Variants in PHLDB2 observed in about 807,000 individuals in gnomAD.
PHLDB2 encodes the protein pleckstrin homology like domain family B member 2.
A neutral mutation model predicts 123.6 loss-of-function variants in PHLDB2; 71 were observed. That is an observed-to-expected ratio of 0.57 (90% CI 0.47 to 0.70). The LOEUF (loss-of-function observed/expected upper bound fraction) is 0.70, where lower values mean the gene tolerates loss of function less well. Among genes scored for constraint, PHLDB2 ranks in the 30% least tolerant of loss-of-function variants. The probability of loss-of-function intolerance (pLI) is 0.00; values close to 1 mark genes in which losing one functional copy is unlikely to be tolerated. For missense variants in PHLDB2, 1,446 were observed against 1,519.5 expected (o/e 0.95, Z 0.80); for synonymous variants, 547 against 541.6 (o/e 1.01, Z -0.14).
At chr3:111,745,659 G>A (rs1027888372) in intron 1 of PHLDB2, among the ~76,000 whole-genome samples, 17 of 152,156 alleles carry the variant, frequency 1.1e-4, no homozygotes, top group African/African-American at 4.1e-4. Flanking sequence ...CTACTCAGGA[G>A]GCTGAGACAG....
At chr3:111,785,164 T>A (rs1167311041) in intron 1 of PHLDB2, among the ~76,000 whole-genome samples, 3 of 152,168 alleles carry the variant, frequency 2.0e-5, no homozygotes, top group Admixed American at 2.0e-4. Flanking sequence ...CCAGCAACTT[T>A]GGCATCTAGC....
chr3:111,767,797 T>G (rs1035015698), intron 1 of PHLDB2, among the ~76,000 whole-genome samples: 1 of 152,188 alleles, frequency 6.6e-6, no homozygotes, highest in African/African-American at 2.4e-5. Flanking sequence ...AAAATATGTT[T>G]TGTTGTAGAT....
At chr3:111,885,535 T>G (rs2066114940) in intron 2 of PHLDB2, 123 bp downstream of exon 2, 3 of 1,248,024 alleles carry the variant, frequency 2.4e-6, no homozygotes, top group Non-Finnish European at 3.5e-6. Context: ...TAGCCACAGC[T>G]GCTATCTTTC....
chr3:111,899,954 TC>T (rs1382612549), intron 2 of PHLDB2, among the ~76,000 whole-genome samples: 1 of 152,196 alleles, frequency 6.6e-6, no homozygotes, highest in African/African-American at 2.4e-5. Context: ...CTTAGATCTT[TC>T]CAATTGACTT....
chr3:111,832,260 T>C (rs2063076136), intron 1 of PHLDB2, among the ~76,000 whole-genome samples: 1 of 152,140 alleles, frequency 6.6e-6, no homozygotes. Flanking sequence ...TTAATCTATA[T>C]CTAATCAGTT....
At chr3:111,952,817 A>G (rs990406767) in intron 11 of PHLDB2, 105 bp downstream of exon 11, 34 of 1,323,306 alleles carry the variant, frequency 2.6e-5, no homozygotes, top group Non-Finnish European at 3.5e-5. Context: ...ATAATAAATC[A>G]TTACATTTAC....
chr3:111,834,458 T>C (rs2063308789), intron 1 of PHLDB2, among the ~76,000 whole-genome samples: 1 of 149,838 alleles, frequency 6.7e-6, no homozygotes, highest in Admixed American at 6.8e-5. Flanking sequence ...ATCATTCAGG[T>C]CAGTTTATCT....
upstream of PHLDB2, among the ~76,000 whole-genome samples, chr3:111,855,547 A>G (rs2064451616): frequency 6.7e-6 from 1 of 149,954 alleles, no homozygotes; most frequent in Non-Finnish European, 1.5e-5. Flanking sequence ...CCATTACTAA[A>G]AGAAAGTCTG....
intron 1 of PHLDB2, among the ~76,000 whole-genome samples, chr3:111,758,230 G>T (rs184583786): frequency 6.6e-6 from 1 of 152,148 alleles, no homozygotes; most frequent in African/African-American, 2.4e-5. Context: ...AGGCAGGCAG[G>T]CCTCCTTGAG....
At chr3:111,774,222 A>G (rs1489269107) in intron 1 of PHLDB2, among the ~76,000 whole-genome samples, 1 of 152,114 alleles carries the variant, frequency 6.6e-6, no homozygotes, top group East Asian at 1.9e-4. Flanking sequence ...TAGGGGTCTC[A>G]CTCAAGTAAG....
chr3:111,920,535 G>A, intron 5 of PHLDB2, 116 bp downstream of exon 5: 1 of 1,288,530 alleles, frequency 7.8e-7, no homozygotes, highest in East Asian at 2.5e-5. Flanking sequence ...CATGTTCCTG[G>A]AGGCAGTGGC....
At position 111,908,212 on chromosome 3, in the gene PHLDB2, A is replaced by C. The variant is rs114330102; in HGVS notation, c.1336-5107A>C. 7.6e-3 allele frequency among the ~76,000 whole-genome samples: 1,150 copies of C among 152,250 alleles called. 16 individuals are homozygous for C. Among genetic ancestry groups the C allele is most frequent in the African/African-American group, 0.026 (1,079 of 41,516 alleles). On this transcript the variant is annotated intron_variant, in intron 2 of 17. Coordinates refer to ENST00000431670, the MANE Select transcript of PHLDB2 (RefSeq NM_001134438.2). ...AAGACACTGCAGCTGAGTATGACAT[A>C]GATAATCTCCCAGAAGCCAATGGCA...
chr3:111,902,241 G>A (rs1460939527), intron 2 of PHLDB2, among the ~76,000 whole-genome samples: 1 of 152,172 alleles, frequency 6.6e-6, no homozygotes, highest in African/African-American at 2.4e-5. Flanking sequence ...TGGCCAAAAA[G>A]TTAATAGGAT....
chr3:111,831,025 G>GA (rs1559855337), intron 1 of PHLDB2, among the ~76,000 whole-genome samples: 2 of 95,910 alleles, frequency 2.1e-5, no homozygotes, highest in South Asian at 3.0e-4. Context: ...AAGAAAGAAA[G>GA]AAAGAAAGGA....
intron 6 of PHLDB2, among the ~76,000 whole-genome samples, chr3:111,937,231 G>A (rs1412449558): frequency 6.6e-6 from 1 of 152,196 alleles, no homozygotes; most frequent in Non-Finnish European, 1.5e-5. Context: ...AGTCATTGCA[G>A]AAGATAGAAA....
intron 1 of PHLDB2, among the ~76,000 whole-genome samples, chr3:111,864,518 TTG>T (rs2064975950): frequency 6.6e-6 from 1 of 152,134 alleles, no homozygotes; most frequent in African/African-American, 2.4e-5. Context: ...TTCTTAGACA[TTG>T]CAGAAAAGGA....
intron 1 of PHLDB2, among the ~76,000 whole-genome samples, chr3:111,741,520 C>T (rs901864101): frequency 1.3e-5 from 2 of 151,500 alleles, no homozygotes; most frequent in Admixed American, 6.6e-5. Flanking sequence ...TGTGTGTGTC[C>T]ATGTGTGTGT....
chr3:111,801,624 C>T (rs2061382117), intron 1 of PHLDB2, among the ~76,000 whole-genome samples: 1 of 152,036 alleles, frequency 6.6e-6, no homozygotes, highest in Admixed American at 6.6e-5. Context: ...GAATGAGTGA[C>T]TAAACAATAA....
chr3:111,899,701 T>C (rs1473060346), intron 2 of PHLDB2, among the ~76,000 whole-genome samples: 1 of 152,252 alleles, frequency 6.6e-6, no homozygotes, highest in Admixed American at 6.5e-5. Context: ...CCTTTGAAGA[T>C]TTGAAGCCAG....
Sources: allele counts gnomAD v4.1 joint callset (sites outside exome capture counted in the v4.1 genomes callset), GRCh38; gene constraint gnomAD v4.1.1; transcripts MANE v1.5; gene names NCBI Gene and HGNC (gene_info 2026-07-23, HGNC 2026-07-21).